The following CX3CR1 variants were observed in gnomAD, a reference collection of about 807,000 sequenced individuals.
CX3CR1 encodes the protein CX3C chemokine receptor 1.
For synonymous variants in CX3CR1, 168 were observed against 178.5 expected, an observed-to-expected ratio of 0.94 and a Z score of 0.47; for missense variants, 363 against 432.4, an observed-to-expected ratio of 0.84 and a Z score of 1.42.
chr3:39,279,425 A>G (rs2040872828), intron 1 of CX3CR1, among the ~76,000 whole-genome samples: 1 of 152,116 alleles, frequency 6.6e-6, no homozygotes, highest in Non-Finnish European at 1.5e-5. Flanking sequence ...TTCAAATAAA[A>G]AGCAACTTTT....
chr3:39,280,398 A>T (rs1280525351), upstream of CX3CR1: 1 of 985,388 alleles, frequency 1.0e-6, no homozygotes, highest in Admixed American at 6.1e-5. Context: ...CAGAGTACTC[A>T]CTGGACCACA....
At chr3:39,280,409 C>A, upstream of CX3CR1, 18 of 985,524 alleles carry the variant, frequency 1.8e-5, no homozygotes, top group Non-Finnish European at 2.2e-5. Context: ...CTGGACCACA[C>A]TGGGGCACAC....
upstream of CX3CR1, chr3:39,285,960 C>T (rs989468586): frequency 3.3e-5 from 5 of 152,282 alleles, no homozygotes; most frequent in South Asian, 2.1e-4. Flanking sequence ...TTTCTGTCCT[C>T]GCTGTACAGA....
chr3:39,282,292 C>A (rs1408035518), upstream of CX3CR1, among the ~76,000 whole-genome samples: 2 of 152,196 alleles, frequency 1.3e-5, no homozygotes, highest in Non-Finnish European at 2.9e-5. Context: ...GAATTCTCTC[C>A]TCCCTGAACT....
chr3:39,281,108 A>C (rs1575212348), upstream of CX3CR1: 2 of 992,362 alleles, frequency 2.0e-6, no homozygotes, highest in Non-Finnish European at 1.2e-6. Flanking sequence ...GCCCCTCCTC[A>C]CCTCCCCCAA....
Position 39,265,776 on chromosome 3 carries a change from G to A in CX3CR1, c.734C>T (p.Thr245Ile), listed in dbSNP as rs780062312. The part of the protein sequence containing the change: ...LVVIVFFLFW[T>I]PYNVMIFLET... ...CAGGAAAATCATAACGTTGTAGGGTGTCCAGAAGAGGAAAAACACGATGAC... is the reference window on the plus strand; with the variant it reads ...CAGGAAAATCATAACGTTGTAGGGTATCCAGAAGAGGAAAAACACGATGAC... The change falls in exon 2 of 2, where the codon ACA (threonine) becomes ATA (isoleucine). Residue 245 changes from threonine (T) to isoleucine (I), a missense_variant. By Grantham distance (89) the Thr-to-Ile change is moderately conservative. Transcript: ENST00000399220. The A allele has an allele frequency of 2.9e-5, 47 of 1,614,154 alleles. No individual in the cohort carries two copies. Among genetic ancestry groups the A allele is most frequent in the Middle Eastern group, 1.6e-4 (1 of 6,062 alleles).
chr3:39,290,506 T>C, the CX3CR1 span, among the ~76,000 whole-genome samples: 18 of 152,314 alleles, frequency 1.2e-4, no homozygotes, highest in Non-Finnish European at 2.2e-4. Flanking sequence ...TAAATGTGAA[T>C]GTAAAAGGAA....
the CX3CR1 span, among the ~76,000 whole-genome samples, chr3:39,291,218 A>T: frequency 6.6e-6 from 1 of 151,682 alleles, no homozygotes; most frequent in Non-Finnish European, 1.5e-5. Flanking sequence ...CACTATGTCC[A>T]CCTAGTTTTT....
the CX3CR1 span, among the ~76,000 whole-genome samples, chr3:39,292,208 TG>T: frequency 6.6e-6 from 1 of 152,194 alleles, no homozygotes; most frequent in Non-Finnish European, 1.5e-5. Context: ...GCCTGAGAGC[TG>T]GGTGTTCTCA....
the CX3CR1 span, among the ~76,000 whole-genome samples, chr3:39,292,018 C>T: frequency 6.6e-6 from 1 of 152,208 alleles, no homozygotes. Flanking sequence ...GAATGGAAAG[C>T]TTAGGGGCGC....
At chr3:39,285,353 T>C (rs1328865969), upstream of CX3CR1, among the ~76,000 whole-genome samples, 3 of 152,168 alleles carry the variant, frequency 2.0e-5, no homozygotes, top group African/African-American at 7.2e-5. Context: ...TACTCCAGCC[T>C]GGGTGAAAGA....
At chr3:39,277,484 T>G (rs901106232) in intron 1 of CX3CR1, among the ~76,000 whole-genome samples, 1 of 152,238 alleles carries the variant, frequency 6.6e-6, no homozygotes. Flanking sequence ...GACCGTGACC[T>G]GCTGTGGAGC....
chr3:39,267,572 A>C (rs533110517), intron 1 of CX3CR1, among the ~76,000 whole-genome samples: 3 of 152,246 alleles, frequency 2.0e-5, no homozygotes, highest in Admixed American at 6.5e-5. Flanking sequence ...TCTATTGGGA[A>C]CCCCTCAGTC....
chr3:39,266,388 AT>A lies in CX3CR1; in HGVS notation c.121del (p.Ile41SerfsTer12). The A allele has an allele frequency of 1.9e-6, 3 of 1,614,228 alleles. No homozygotes were observed. The highest frequency in any genetic ancestry group is 2.5e-6 in the Non-Finnish European group (3 of 1,180,038). On this transcript the variant is annotated frameshift_variant, in exon 2 of 2. Coordinates refer to ENST00000399220, the MANE Select transcript of CX3CR1 (RefSeq NM_001337.4). LOFTEE classifies it low-confidence loss of function (END_TRUNC). ...ATTTCCCACCAGGCCAATGGCAAAG[AT>A]GACGGAGTAGAATATGGACAGGAAC... Reference protein sequence around the residue: ...TVFLSIFYSVIFAIGLVGNLL... With the variant: ...TVFLSIFYSVXFAIGLVGNLL...
At chr3:39,290,647 C>T in the CX3CR1 span, among the ~76,000 whole-genome samples, 21 of 152,082 alleles carry the variant, frequency 1.4e-4, 1 homozygote. Context: ...TAGGGCCGGG[C>T]GCAGTGGTTC....
In CX3CR1 at chr3:39,266,263, TG is replaced by T; in HGVS notation, c.246del (p.Thr83LeufsTer9). ...AAATAGTGAGTCCAGAAGGGCAAAG[TG>T]GCTACAAACAGCAGATCAGACAAGG... ...NLALSDLLFV[A>X]TLPFWTHYLI... On this transcript the variant is annotated frameshift_variant, in exon 2 of 2. Coordinates refer to ENST00000399220, the MANE Select transcript of CX3CR1 (RefSeq NM_001337.4). LOFTEE classifies it low-confidence loss of function (END_TRUNC). The T allele has an allele frequency of 6.2e-7, 1 of 1,614,156 alleles. No homozygotes were observed. Among genetic ancestry groups the T allele is most frequent in the Non-Finnish European group, 8.5e-7 (1 of 1,180,030 alleles).
chr3:39,287,537 C>T, the CX3CR1 span: 1 of 152,174 alleles, frequency 6.6e-6, no homozygotes, highest in African/African-American at 2.4e-5. Flanking sequence ...TTCTGACACT[C>T]TGCTTGGTAA....
chr3:39,282,741 T>C (rs1042933047), upstream of CX3CR1, among the ~76,000 whole-genome samples: 1 of 152,122 alleles, frequency 6.6e-6, no homozygotes, highest in African/African-American at 2.4e-5. Context: ...CCAAGATACT[T>C]CCATGTTCTT....
At chr3:39,281,303 G>T, upstream of CX3CR1, 1 of 1,093,482 alleles carries the variant, frequency 9.1e-7, no homozygotes, top group Non-Finnish European at 1.1e-6. Flanking sequence ...TCCACTTTCT[G>T]ACACTGGCCC....
Sources: allele counts gnomAD v4.1 joint callset (sites outside exome capture counted in the v4.1 genomes callset), GRCh38; gene constraint gnomAD v4.1.1; transcripts MANE v1.5; gene names NCBI Gene and HGNC (gene_info 2026-07-23, HGNC 2026-07-21).